Variants in CDH4 observed in about 807,000 individuals in gnomAD.
CDH4 encodes the protein cadherin 4, also known as cadherin-4.
Under a neutral mutation model 86.0 loss-of-function variants are expected in CDH4, and 33 were observed. That is an observed-to-expected ratio of 0.38 (90% CI 0.29 to 0.51). The LOEUF is 0.51. Among genes scored for constraint, CDH4 ranks in the 20% least tolerant of loss-of-function variants. CDH4 has a pLI of 0.86. For synonymous variants in CDH4, 555 were observed against 549.4 expected (o/e 1.01, Z -0.14); for missense variants, 1,114 against 1,307.4 (o/e 0.85, Z 2.28).
chr20:61,541,347 G>A (rs1335666636), intron 2 of CDH4, among the ~76,000 whole-genome samples: 1 of 152,196 alleles, frequency 6.6e-6, no homozygotes, highest in Non-Finnish European at 1.5e-5. Flanking sequence ...CACCACGACG[G>A]TTTTAGCCTG....
chr20:61,549,151 G>A (rs1001577075), intron 2 of CDH4, among the ~76,000 whole-genome samples: 1 of 152,180 alleles, frequency 6.6e-6, no homozygotes, highest in African/African-American at 2.4e-5. Context: ...GCTTCTTGAT[G>A]TTACAGTGAG....
chr20:61,817,588 C>T (rs1980787379), intron 4 of CDH4, among the ~76,000 whole-genome samples: 1 of 152,104 alleles, frequency 6.6e-6, no homozygotes, highest in Admixed American at 6.6e-5. Flanking sequence ...GCTGCCTGTC[C>T]TGCGCACTTT....
intron 2 of CDH4, among the ~76,000 whole-genome samples, chr20:61,462,078 G>C (rs2085446858): frequency 6.6e-6 from 1 of 152,232 alleles, no homozygotes; most frequent in South Asian, 2.1e-4. Context: ...GTGGATGGTA[G>C]CTGGATTAAT....
chr20:61,878,840 C>A (rs1039393636), intron 7 of CDH4, among the ~76,000 whole-genome samples: 1 of 152,222 alleles, frequency 6.6e-6, no homozygotes, highest in Admixed American at 6.5e-5. Flanking sequence ...GAATAGAAGT[C>A]CTGGAAGCTG....
chr20:61,419,331 G>A (rs1056584202), intron 2 of CDH4, among the ~76,000 whole-genome samples: 6 of 152,132 alleles, frequency 3.9e-5, no homozygotes, highest in Admixed American at 3.3e-4. Context: ...CTCCCATCAC[G>A]GCTGTTTCTG....
At chr20:61,572,382 G>A (rs1175749913) in intron 2 of CDH4, among the ~76,000 whole-genome samples, 2 of 152,242 alleles carry the variant, frequency 1.3e-5, no homozygotes, top group Admixed American at 6.5e-5. Flanking sequence ...GCTGGAGTGG[G>A]AGACGCAAGG....
At chr20:61,920,552 G>A (rs995506398) in intron 9 of CDH4, among the ~76,000 whole-genome samples, 19 of 150,630 alleles carry the variant, frequency 1.3e-4, no homozygotes, top group African/African-American at 2.0e-4. Flanking sequence ...TGGAAGCACC[G>A]TGTCATGGTG....
chr20:61,254,151 G>A (rs1000914945), intron 1 of CDH4, among the ~76,000 whole-genome samples: 1 of 152,172 alleles, frequency 6.6e-6, no homozygotes, highest in African/African-American at 2.4e-5. Context: ...CGGTCAGTTA[G>A]GGGAGCCGTC....
chr20:61,756,755 C>T (rs2088569812), intron 3 of CDH4, among the ~76,000 whole-genome samples: 1 of 152,140 alleles, frequency 6.6e-6, no homozygotes, highest in African/African-American at 2.4e-5. Context: ...TGAACCTGGA[C>T]ACCTGAGCAT....
At chr20:61,347,484 C>T (rs906899309) in intron 2 of CDH4, among the ~76,000 whole-genome samples, 1 of 152,224 alleles carries the variant, frequency 6.6e-6, no homozygotes, top group Admixed American at 6.5e-5. Context: ...TTGACTCCCA[C>T]GATGCTTCCT....
At chr20:61,733,445 G>T (rs35900525) in intron 2 of CDH4, among the ~76,000 whole-genome samples, 69 of 152,156 alleles carry the variant, frequency 4.5e-4, no homozygotes, top group African/African-American at 1.6e-3. Context: ...CTGCTCCCCC[G>T]GTCACAGAGG....
intron 4 of CDH4, among the ~76,000 whole-genome samples, chr20:61,834,588 G>T (rs1304212358): frequency 6.6e-6 from 1 of 152,152 alleles, no homozygotes; most frequent in Non-Finnish European, 1.5e-5. Context: ...ATCAATGAAG[G>T]TTTTCTGACG....
chr20:61,529,224 A>G (rs6061601), intron 2 of CDH4, among the ~76,000 whole-genome samples: 1,678 of 152,352 alleles, frequency 0.011, 21 homozygotes, highest in African/African-American at 0.039. Context: ...ATAAATTTAC[A>G]TAGGTAAGCA....
intron 2 of CDH4, among the ~76,000 whole-genome samples, chr20:61,383,112 A>T (rs1426582352): frequency 2.4e-5 from 2 of 84,664 alleles, no homozygotes; most frequent in African/African-American, 5.5e-5. Flanking sequence ...TATATTATAT[A>T]TAGAATATAT....
chr20:61,687,273 A>G (rs1344916737), intron 2 of CDH4, among the ~76,000 whole-genome samples: 1 of 152,192 alleles, frequency 6.6e-6, no homozygotes, highest in Non-Finnish European at 1.5e-5. Context: ...ACTGAGCTGG[A>G]CAGTGTCTGC....
At chr20:61,722,194 G>GT (rs11481089) in intron 2 of CDH4, among the ~76,000 whole-genome samples, 50,062 of 151,936 alleles carry the variant, frequency 0.33, 9,416 homozygotes, top group South Asian at 0.44. Flanking sequence ...CTGCTTTGGG[G>GT]TTTTTTTTCT....
At chr20:61,473,872 A>T (rs2085520041) in intron 2 of CDH4, among the ~76,000 whole-genome samples, 1 of 152,044 alleles carries the variant, frequency 6.6e-6, no homozygotes, top group Non-Finnish European at 1.5e-5. Context: ...TTTTACAGCC[A>T]TGTCAAGATA....
At chr20:61,791,782 G>C (rs986285417) in intron 4 of CDH4, among the ~76,000 whole-genome samples, 10 of 152,166 alleles carry the variant, frequency 6.6e-5, no homozygotes, top group African/African-American at 1.9e-4. Flanking sequence ...CAAGGAGCCG[G>C]CTGTGCACAG....
chr20:61,657,297 C>T (rs1047118889), intron 2 of CDH4, among the ~76,000 whole-genome samples: 4 of 152,236 alleles, frequency 2.6e-5, no homozygotes, highest in Admixed American at 2.0e-4. Flanking sequence ...CTCTGAATTA[C>T]GTACGCAGAA....
Sources: allele counts gnomAD v4.1 joint callset (sites outside exome capture counted in the v4.1 genomes callset), GRCh38; gene constraint gnomAD v4.1.1; transcripts MANE v1.5; gene names NCBI Gene and HGNC (gene_info 2026-07-23, HGNC 2026-07-21).